The following PTPRT variants were observed in gnomAD, a reference collection of about 807,000 sequenced individuals.
PTPRT encodes receptor-type tyrosine-protein phosphatase T.
In PTPRT, 56 loss-of-function variants were observed where a neutral mutation model predicts 176.8. That is an observed-to-expected ratio of 0.32 (90% CI 0.26 to 0.40). PTPRT has a LOEUF of 0.40. Ranked by LOEUF, PTPRT falls within the 10% of genes least tolerant of loss-of-function variation. The pLI is 1.00. For synonymous variants in PTPRT, 783 were observed against 739.0 expected (o/e 1.06, Z -0.96); for missense variants, 1,540 against 1,908.2 (o/e 0.81, Z 3.60).
intron 9 of PTPRT, among the ~76,000 whole-genome samples, chr20:42,387,217 A>C (rs1214037315): frequency 6.6e-6 from 1 of 152,258 alleles, no homozygotes. Flanking sequence ...AAATGAGGCC[A>C]TGTATTCCTG....
intron 7 of PTPRT, among the ~76,000 whole-genome samples, chr20:42,502,920 G>C (rs2071777302): frequency 6.6e-6 from 1 of 151,994 alleles, no homozygotes; most frequent in Non-Finnish European, 1.5e-5. Flanking sequence ...ATTCTCATGA[G>C]GAGTATTTAA....
chr20:42,704,559 G>A (rs1018714151), intron 6 of PTPRT, among the ~76,000 whole-genome samples: 1 of 151,904 alleles, frequency 6.6e-6, no homozygotes, highest in African/African-American at 2.4e-5. Context: ...TACCATTCTG[G>A]GCCTTTCTAC....
At chr20:42,418,874 T>A (rs1420876155) in intron 9 of PTPRT, among the ~76,000 whole-genome samples, 1 of 152,166 alleles carries the variant, frequency 6.6e-6, no homozygotes, top group Non-Finnish European at 1.5e-5. Context: ...ATCTCCTATC[T>A]CCTCTTGCCT....
At position 42,792,941 on chromosome 20, in the gene PTPRT, C is replaced by T. The variant is rs79948326; in HGVS notation, c.215-1475G>A. 8.6e-3 allele frequency among the ~76,000 whole-genome samples: 1,310 copies of T among 152,298 alleles called. 27 individuals carry two copies. The highest frequency in any genetic ancestry group is 0.029 in the African/African-American group (1,223 of 41,556). On this transcript the variant is annotated intron_variant, in intron 2 of 30. Transcript: ENST00000373187. ...TTCAAAACCTCCACGTTATTATTCA[C>T]AAAGTAACTTGGACTTACGGCCAAA...
At chr20:42,753,544 G>A (rs2076792134) in intron 6 of PTPRT, among the ~76,000 whole-genome samples, 1 of 152,224 alleles carries the variant, frequency 6.6e-6, no homozygotes, top group African/African-American at 2.4e-5. Context: ...ACTGTTCAAT[G>A]TGAAGGAGAC....
chr20:42,789,631 C>T (rs2077344257), intron 3 of PTPRT, among the ~76,000 whole-genome samples: 2 of 152,166 alleles, frequency 1.3e-5, no homozygotes, highest in African/African-American at 2.4e-5. Context: ...CCACCATTAC[C>T]ATCATCATCA....
intron 1 of PTPRT, among the ~76,000 whole-genome samples, chr20:42,951,258 G>A (rs1662024524): frequency 6.6e-6 from 1 of 151,984 alleles, no homozygotes; most frequent in South Asian, 2.1e-4. Flanking sequence ...TGGAGGGGTG[G>A]ATGGATGGAT....
At chr20:42,249,638 T>C (rs2056516732) in intron 13 of PTPRT, among the ~76,000 whole-genome samples, 1 of 152,198 alleles carries the variant, frequency 6.6e-6, no homozygotes, top group Non-Finnish European at 1.5e-5. Flanking sequence ...ACATGGCTGA[T>C]AAAGGTCAGG....
At chr20:42,263,105 T>A (rs2056777325) in intron 13 of PTPRT, among the ~76,000 whole-genome samples, 1 of 152,074 alleles carries the variant, frequency 6.6e-6, no homozygotes, top group Non-Finnish European at 1.5e-5. Flanking sequence ...ATTGGAGAGA[T>A]AAAAAAGGGA....
intron 6 of PTPRT, among the ~76,000 whole-genome samples, chr20:42,707,073 C>T (rs2076071127): frequency 6.6e-6 from 1 of 152,194 alleles, no homozygotes; most frequent in Non-Finnish European, 1.5e-5. Flanking sequence ...GGAAGAATTA[C>T]CCTTCAGATT....
At chr20:43,030,306 T>C (rs1986089223) in intron 1 of PTPRT, among the ~76,000 whole-genome samples, 1 of 152,320 alleles carries the variant, frequency 6.6e-6, no homozygotes, top group South Asian at 2.1e-4. Flanking sequence ...AAGGAAGCCA[T>C]TGCTCTGTCT....
intron 17 of PTPRT, among the ~76,000 whole-genome samples, chr20:42,154,541 G>A (rs1989267861): frequency 6.6e-6 from 1 of 152,216 alleles, no homozygotes; most frequent in African/African-American, 2.4e-5. Flanking sequence ...CCTCACAGCT[G>A]TTCCTTGTTG....
rs916027570 is a variant in PTPRT, at chr20:42,955,665, C to T, written c.89-69733G>A. Among the ~76,000 whole-genome samples, 9 of 152,122 alleles carry T rather than the reference C, an allele frequency of 5.9e-5. No individual in the cohort carries two copies. In the South Asian group the frequency reaches 1.0e-3, roughly 18 times the overall value. ...GAGATTACTGTCCTCATTTTCCAGACGCAAAGGCTGAGGCTCACGAAGACT... is the reference window on the plus strand; with the variant it reads ...GAGATTACTGTCCTCATTTTCCAGATGCAAAGGCTGAGGCTCACGAAGACT... On this transcript the variant is annotated intron_variant, in intron 1 of 30. Coordinates refer to ENST00000373187, the MANE Select transcript of PTPRT (RefSeq NM_007050.6).
At chr20:42,937,308 G>C (rs1980249452) in intron 1 of PTPRT, among the ~76,000 whole-genome samples, 1 of 152,146 alleles carries the variant, frequency 6.6e-6, no homozygotes, top group Non-Finnish European at 1.5e-5. Flanking sequence ...AGAGACTGTG[G>C]CTCTCAAGCT....
the PTPRT span, among the ~76,000 whole-genome samples, chr20:42,051,675 G>A: frequency 3.3e-5 from 5 of 152,148 alleles, no homozygotes; most frequent in Non-Finnish European, 7.3e-5. Flanking sequence ...GGCAAGAGAC[G>A]AAGTTCCTCT....
At chr20:42,108,040 T>C (rs1397041148) in intron 23 of PTPRT, among the ~76,000 whole-genome samples, 2 of 151,926 alleles carry the variant, frequency 1.3e-5, no homozygotes, top group Non-Finnish European at 2.9e-5. Context: ...GGAGGGAGTA[T>C]AGGGGGGGTC....
intron 11 of PTPRT, among the ~76,000 whole-genome samples, chr20:42,319,086 C>T (rs1478726562): frequency 6.6e-6 from 1 of 152,156 alleles, no homozygotes; most frequent in African/African-American, 2.4e-5. Context: ...TGTATATCCC[C>T]ATCAGCTCTT....
chr20:43,103,750 G>GTAATAATAATAATAATAATAATAA (rs3092031), intron 1 of PTPRT, among the ~76,000 whole-genome samples: 31 of 146,090 alleles, frequency 2.1e-4, no homozygotes, highest in East Asian at 1.0e-3. Context: ...GGGGAGATCA[G>GTAATAATAATAATAATAATAATAA]TAATAATAAT....
chr20:42,046,872 G>A, the PTPRT span, among the ~76,000 whole-genome samples: 31 of 152,200 alleles, frequency 2.0e-4, no homozygotes, highest in South Asian at 2.1e-4. Flanking sequence ...ACAGAAGTAC[G>A]CCTGAGGGAT....
Sources: gnomAD v4.1 joint callset for allele counts (sites outside exome capture counted in the v4.1 genomes callset) on GRCh38, gnomAD v4.1.1 for gene constraint, MANE v1.5 for transcripts, NCBI Gene and HGNC (gene_info 2026-07-23, HGNC 2026-07-21) for gene names.